The following ZFAND6 variants were observed in gnomAD, a reference collection of about 807,000 sequenced individuals.
ZFAND6 encodes AN1-type zinc finger protein 6.
ZFAND6 carries 12 observed loss-of-function variants against 24.5 expected under a neutral mutation model. That is an observed-to-expected ratio of 0.49 (90% CI 0.31 to 0.79). ZFAND6 has a LOEUF of 0.79. Ranked by LOEUF, ZFAND6 falls within the 30% of genes least tolerant of loss-of-function variation. ZFAND6 has a pLI of 0.04. For synonymous variants in ZFAND6, 92 were observed against 81.5 expected, an observed-to-expected ratio of 1.13 and a Z score of -0.69; for missense variants, 207 against 245.9, an observed-to-expected ratio of 0.84 and a Z score of 1.06.
chr15:80,067,597 T>C (rs2036718766), intron 1 of ZFAND6, among the ~76,000 whole-genome samples: 1 of 152,168 alleles, frequency 6.6e-6, no homozygotes, highest in Admixed American at 6.5e-5. Flanking sequence ...AATTTAAATT[T>C]AATTTAATAT....
intron 1 of ZFAND6, among the ~76,000 whole-genome samples, chr15:80,088,170 A>G (rs1176523086): frequency 6.6e-6 from 1 of 152,106 alleles, no homozygotes; most frequent in African/African-American, 2.4e-5. Context: ...TTTAAGCTTT[A>G]CTACAAACTT....
chr15:80,085,825 TG>T (rs1236624074), intron 1 of ZFAND6, among the ~76,000 whole-genome samples: 1 of 152,188 alleles, frequency 6.6e-6, no homozygotes, highest in Non-Finnish European at 1.5e-5. Flanking sequence ...TGGTCAGTGA[TG>T]GACTGCATAT....
chr15:80,066,260 G>C (rs535080480), intron 1 of ZFAND6, among the ~76,000 whole-genome samples: 112 of 151,886 alleles, frequency 7.4e-4, no homozygotes, highest in Non-Finnish European at 1.2e-3. Context: ...TGTTTAAGTT[G>C]ATTGGTGGTA....
At chr15:80,083,055 G>C (rs1390338326) in intron 1 of ZFAND6, among the ~76,000 whole-genome samples, 1 of 152,006 alleles carries the variant, frequency 6.6e-6, no homozygotes, top group Non-Finnish European at 1.5e-5. Flanking sequence ...GCAGTGGCGC[G>C]ATCTTGGCTC....
intron 3 of ZFAND6, 109 bp from the exon 4 acceptor site, chr15:80,121,598 TAAAAG>T (rs2040149116): frequency 2.8e-6 from 2 of 720,128 alleles, no homozygotes; most frequent in Non-Finnish European, 4.1e-6. Context: ...TACTACATAT[TAAAAG>T]AAAACCTCTA....
chr15:80,124,169 C>G (rs575889813), intron 5 of ZFAND6, among the ~76,000 whole-genome samples: 1 of 152,302 alleles, frequency 6.6e-6, no homozygotes, highest in South Asian at 2.1e-4. Flanking sequence ...CGCGGTGGCT[C>G]ACGCCTGTAA....
At chr15:80,117,789 G>T (rs1335297801) in intron 2 of ZFAND6, among the ~76,000 whole-genome samples, 1 of 152,148 alleles carries the variant, frequency 6.6e-6, no homozygotes, top group African/African-American at 2.4e-5. Flanking sequence ...TTGACTACTA[G>T]TACAGTTGGG....
chr15:80,132,177 G>A (rs906290986), intron 6 of ZFAND6, among the ~76,000 whole-genome samples: 1 of 152,176 alleles, frequency 6.6e-6, no homozygotes, highest in African/African-American at 2.4e-5. Flanking sequence ...GGTCCACTTA[G>A]AGTTTTTTCT....
chr15:80,080,136 T>C lies in ZFAND6; in HGVS notation c.-180-18280T>C, dbSNP rs550882767. Among the ~76,000 whole-genome samples, 4 of 152,214 alleles carry C rather than the reference T, an allele frequency of 2.6e-5. No homozygotes were observed. In the East Asian group the frequency reaches 7.7e-4, roughly 29 times the overall value. On this transcript the variant is annotated intron_variant, in intron 1 of 6. Coordinates refer to ENST00000261749, the MANE Select transcript of ZFAND6 (RefSeq NM_019006.4). ...GTCTCAGCCTCCGAGTAGCTGGGAT[T>C]ACAGGCACCCACCATCATGACCAGC...
At position 80,118,155 on chromosome 15, in the gene ZFAND6, T is replaced by C. The variant is rs143867673; in HGVS notation, c.-17-2173T>C. 2.1e-3 allele frequency among the ~76,000 whole-genome samples: 321 copies of C among 152,264 alleles called. 3 individuals carry two copies. The highest frequency in any genetic ancestry group is 3.5e-3 in the Non-Finnish European group (236 of 68,024). On this transcript the variant is annotated intron_variant, in intron 2 of 6. Coordinates refer to ENST00000261749, the MANE Select transcript of ZFAND6 (RefSeq NM_019006.4). ...ATTTATTTTTGAGACAGAGTCTTGCTCTGTTGCCCAGGCTGGAGTGTAGTG... is the reference window on the plus strand; with the variant it reads ...ATTTATTTTTGAGACAGAGTCTTGCCCTGTTGCCCAGGCTGGAGTGTAGTG...
chr15:80,095,986 A>G (rs1014527371), intron 1 of ZFAND6, among the ~76,000 whole-genome samples: 1 of 152,216 alleles, frequency 6.6e-6, no homozygotes, highest in Non-Finnish European at 1.5e-5. Context: ...ATACAGTTTG[A>G]TCTATCAGTA....
chr15:80,085,284 T>G (rs78955168), intron 1 of ZFAND6, among the ~76,000 whole-genome samples: 1,923 of 152,350 alleles, frequency 0.013, 34 homozygotes, highest in African/African-American at 0.044. Context: ...CAAGTGACTT[T>G]CCACTACTGT....
At chr15:80,126,731 G>A (rs1185618310) in intron 5 of ZFAND6, among the ~76,000 whole-genome samples, 1 of 152,184 alleles carries the variant, frequency 6.6e-6, no homozygotes, top group Non-Finnish European at 1.5e-5. Flanking sequence ...TTAGGCAGTG[G>A]TTTCTTAGAT....
chr15:80,092,159 T>C (rs2038415375), intron 1 of ZFAND6, among the ~76,000 whole-genome samples: 1 of 151,960 alleles, frequency 6.6e-6, no homozygotes, highest in Non-Finnish European at 1.5e-5. Flanking sequence ...AAAGAAGATT[T>C]ATAGAAAAAA....
Position 80,131,167 on chromosome 15 carries a change from G to C in ZFAND6, c.365-13G>C, listed in dbSNP as rs568443178. 2.0e-6 allele frequency: 3 copies of C among 1,528,496 alleles called. No homozygotes were observed. In the Admixed American group the frequency reaches 5.8e-5, roughly 29 times the overall value. 94.7% of individuals were successfully genotyped at this position (1,528,496 alleles called of 1,614,324 possible). On this transcript the variant is annotated splice_polypyrimidine_tract_variant and intron_variant, in intron 5 of 6. Coordinates refer to ENST00000261749, the MANE Select transcript of ZFAND6 (RefSeq NM_019006.4). Reference sequence around the variant, plus strand: ...AGAATAATTAAATTTTGCCACCTTCGTATTTTTGTTAGCTTCAGTATCAGA... The same window carrying C: ...AGAATAATTAAATTTTGCCACCTTCCTATTTTTGTTAGCTTCAGTATCAGA...
At chr15:80,113,661 T>A (rs2039723140) in intron 2 of ZFAND6, among the ~76,000 whole-genome samples, 1 of 152,202 alleles carries the variant, frequency 6.6e-6, no homozygotes, top group South Asian at 2.1e-4. Context: ...AGCCGTTTTT[T>A]GCCTGACATG....
intron 1 of ZFAND6, among the ~76,000 whole-genome samples, chr15:80,094,705 T>C (rs2038609639): frequency 6.6e-6 from 1 of 152,284 alleles, no homozygotes; most frequent in Middle Eastern, 3.4e-3. Context: ...ATAACTGCAT[T>C]ACAGTTATTA....
At chr15:80,117,227 C>CT (rs200010368) in intron 2 of ZFAND6, among the ~76,000 whole-genome samples, 7,845 of 145,886 alleles carry the variant, frequency 0.054, 567 homozygotes, top group East Asian at 0.27. Context: ...ACTGAATACT[C>CT]TTTTTTTTTT....
intron 2 of ZFAND6, chr15:80,111,678 G>T (rs984919463): frequency 9.7e-6 from 3 of 309,968 alleles, no homozygotes; most frequent in Non-Finnish European, 1.9e-5. Flanking sequence ...AAGTGGGAGG[G>T]GCTCATCTTA....
Sources: gnomAD v4.1 joint callset for allele counts (sites outside exome capture counted in the v4.1 genomes callset) on GRCh38, gnomAD v4.1.1 for gene constraint, MANE v1.5 for transcripts, NCBI Gene and HGNC (gene_info 2026-07-23, HGNC 2026-07-21) for gene names.